The following RASA1 variants were observed in gnomAD, a reference collection of about 807,000 sequenced individuals.
RASA1 encodes the protein RAS p21 protein activator 1, also known as ras GTPase-activating protein 1.
In RASA1, 25 loss-of-function variants were observed where a neutral mutation model predicts 132.2. The ratio of observed to expected loss-of-function variants is 0.19; its 90% CI spans 0.14 to 0.26. The LOEUF (loss-of-function observed/expected upper bound fraction) is 0.26, where lower values mean the gene tolerates loss of function less well. Among genes scored for constraint, RASA1 ranks in the 10% least tolerant of loss-of-function variants. The probability of loss-of-function intolerance (pLI) is 1.00; values close to 1 mark genes in which losing one functional copy is unlikely to be tolerated. For missense variants in RASA1, 964 were observed against 1,299.2 expected (o/e 0.74, Z 3.97); for synonymous variants, 477 against 449.9 (o/e 1.06, Z -0.76).
chr5:87,356,167 T>C (rs1312749735), intron 9 of RASA1, among the ~76,000 whole-genome samples: 1 of 152,136 alleles, frequency 6.6e-6, no homozygotes, highest in Non-Finnish European at 1.5e-5. Flanking sequence ...TTGAAAGAAG[T>C]TCAACTGTGG....
chr5:87,339,469 G>A (rs556270159), intron 5 of RASA1, among the ~76,000 whole-genome samples: 46 of 152,258 alleles, frequency 3.0e-4, no homozygotes, highest in Admixed American at 2.6e-3. Flanking sequence ...ACAACTTTTA[G>A]TTTGGGTTTC....
At position 87,372,039 on chromosome 5, in the gene RASA1, G is replaced by GAA. The variant is rs35014912; in HGVS notation, c.1699-70_1699-69dup. 0.13 allele frequency: 112,264 copies of GAA among 873,106 alleles called. 165 individuals carry two copies. Among genetic ancestry groups the GAA allele is most frequent in the South Asian group, 0.16 (7,448 of 47,480 alleles). The allele number at this position is 873,106 out of a possible 1,614,324, so 54.1% of individuals were successfully genotyped here. ...AGAGAAGGAAAAAATTGTTGAATTT[G>GAA]AAAAAAAAAACCTAACTGATGATTT... On this transcript the variant is annotated intron_variant, in intron 12 of 24. Transcript: ENST00000274376.
At chr5:87,373,431 A>G (rs1336596253) in intron 13 of RASA1, among the ~76,000 whole-genome samples, 1 of 152,070 alleles carries the variant, frequency 6.6e-6, no homozygotes, top group Non-Finnish European at 1.5e-5. Flanking sequence ...AGCTGCCAGG[A>G]CAGAGAGGTG....
chr5:87,351,644 A>AACTT lies in RASA1; in HGVS notation c.1254-1511_1254-1508dup, dbSNP rs572912069. 2.5e-3 allele frequency among the ~76,000 whole-genome samples: 386 copies of AACTT among 151,848 alleles called. 1 individual carries two copies. Among genetic ancestry groups the AACTT allele is most frequent in the African/African-American group, 8.8e-3 (364 of 41,508 alleles). On this transcript the variant is annotated intron_variant, in intron 8 of 24. Transcript: ENST00000274376. Reference sequence around the variant, plus strand: ...TAAATCTGTCTGATTTCATGGCTGGAACTTATATGAATGTCTAGAAAATTC... The same window carrying AACTT: ...TAAATCTGTCTGATTTCATGGCTGGAACTTACTTATATGAATGTCTAGAAAATTC...
chr5:87,356,008 G>A (rs1305363460), intron 9 of RASA1, among the ~76,000 whole-genome samples: 3 of 152,278 alleles, frequency 2.0e-5, no homozygotes, highest in South Asian at 2.1e-4. Context: ...TGCTTGTTAC[G>A]GATGAGAAAA....
chr5:87,296,143 T>TTAAGTGTTTGCCCTGGAGCTTGCAA (rs1253876902), intron 1 of RASA1, among the ~76,000 whole-genome samples: 1 of 151,910 alleles, frequency 6.6e-6, no homozygotes, highest in Non-Finnish European at 1.5e-5. Flanking sequence ...TTTTCCTAAC[T>TTAAGTGTTTGCCCTGGAGCTTGCAA]TAAGTGTTTG....
At chr5:87,371,271 ATTCTC>A (rs1246277730) in intron 12 of RASA1, among the ~76,000 whole-genome samples, 47 of 152,090 alleles carry the variant, frequency 3.1e-4, no homozygotes, top group South Asian at 2.1e-4. Flanking sequence ...GTCTCTGGTT[ATTCTC>A]TTCTATTTCA....
intron 14 of RASA1, 110 bp from the exon 15 acceptor site, chr5:87,374,730 T>G: frequency 1.1e-6 from 1 of 933,200 alleles, no homozygotes; most frequent in Non-Finnish European, 1.5e-6. Flanking sequence ...TAGCACACTG[T>G]TTTTTTTTTT....
intron 1 of RASA1, among the ~76,000 whole-genome samples, chr5:87,324,680 A>G (rs986879698): frequency 9.2e-5 from 14 of 152,144 alleles, no homozygotes; most frequent in African/African-American, 3.1e-4. Context: ...TATGCACTCT[A>G]GTTATCTGGT....
chr5:87,349,870 T>C (rs1360267043), intron 8 of RASA1, among the ~76,000 whole-genome samples: 1 of 151,886 alleles, frequency 6.6e-6, no homozygotes, highest in African/African-American at 2.4e-5. Flanking sequence ...AAACTCAGAA[T>C]GAATTATAGT....
intron 11 of RASA1, among the ~76,000 whole-genome samples, chr5:87,367,137 T>C (rs947725465): frequency 6.6e-6 from 1 of 152,160 alleles, no homozygotes; most frequent in African/African-American, 2.4e-5. Flanking sequence ...AGAGAAGCAC[T>C]TAGTGAGAAA....
At chr5:87,338,536 A>ATATATATATATATATATATTTTTTTT in intron 5 of RASA1, among the ~76,000 whole-genome samples, 1 of 85,220 alleles carries the variant, frequency 1.2e-5, no homozygotes, top group Admixed American at 1.3e-4. Context: ...TATATATAAA[A>ATATATATATATATATATATTTTTTTT]TTTTTTTTTT....
Position 87,376,806 on chromosome 5 carries a change from A to G in RASA1, c.2185-75A>G, listed in dbSNP as rs144354008. 5.2e-4 allele frequency: 741 copies of G among 1,426,592 alleles called. 5 individuals carry two copies. The highest frequency in any genetic ancestry group is 5.0e-3 in the East Asian group (218 of 43,632). 88.4% of individuals were successfully genotyped at this position (1,426,592 alleles called of 1,614,324 possible). A position where few individuals can be genotyped will look rare whatever the true frequency, so the allele number is the denominator to read the frequency against. ...TAAATATAAGAACTTGTGAAAGAAC[A>G]TATTTCTTGTTAGTCTCATGGAGCA... On this transcript the variant is annotated intron_variant, in intron 16 of 24. Coordinates refer to ENST00000274376, the MANE Select transcript of RASA1 (RefSeq NM_002890.3).
chr5:87,339,996 A>G (rs1758319740), intron 5 of RASA1, among the ~76,000 whole-genome samples: 1 of 152,100 alleles, frequency 6.6e-6, no homozygotes, highest in Admixed American at 6.5e-5. Context: ...TTATACTTTC[A>G]TGTATTAACT....
In RASA1 at chr5:87,363,368, A is replaced by C; in HGVS notation, c.1474A>C (p.Asn492His). 6.2e-7 allele frequency: 1 copy of C among 1,610,534 alleles called. No homozygotes were observed. The highest frequency in any genetic ancestry group is 1.1e-5 in the South Asian group (1 of 90,802). The change falls in exon 11 of 25, where the codon AAT (asparagine) becomes CAT (histidine). Residue 492 changes from asparagine (N) to histidine (H), a missense_variant. Around this residue, in one of 6 missense-constraint regions of RASA1, gnomAD observed 346 missense variants for 520.1 expected, o/e 0.67. Coordinates refer to ENST00000274376, the MANE Select transcript of RASA1 (RefSeq NM_002890.3). The stretch of plus-strand genomic sequence containing the variant: ...AACAGGCAAAGGAAAACGTTGGAAA[A>C]ATTTATATTTTATCTTAGAGGGTAG... ...LKKGKGKRWK[N>H]LYFILEGSDA...
chr5:87,314,030 G>A (rs1454972361), intron 1 of RASA1, among the ~76,000 whole-genome samples: 5 of 152,128 alleles, frequency 3.3e-5, no homozygotes, highest in South Asian at 2.1e-4. Context: ...TGAGCCAGGC[G>A]TGGTGGCACA....
intron 18 of RASA1, among the ~76,000 whole-genome samples, chr5:87,379,476 T>C (rs1580393021): frequency 6.6e-6 from 1 of 152,302 alleles, no homozygotes; most frequent in East Asian, 1.9e-4. Context: ...CAGCTTTTTT[T>C]CCCCTCAAAT....
At chr5:87,274,532 A>G (rs544823978) in intron 1 of RASA1, among the ~76,000 whole-genome samples, 1 of 152,292 alleles carries the variant, frequency 6.6e-6, no homozygotes, top group South Asian at 2.1e-4. Context: ...TTGTATAAGT[A>G]GCAGAGAAAT....
intron 1 of RASA1, among the ~76,000 whole-genome samples, chr5:87,286,431 C>G (rs1024162576): frequency 1.3e-5 from 2 of 151,210 alleles, no homozygotes; most frequent in Non-Finnish European, 2.9e-5. Flanking sequence ...AACTTCAACC[C>G]AAGTAAAAAT....
Sources: allele counts gnomAD v4.1 joint callset (sites outside exome capture counted in the v4.1 genomes callset), GRCh38; gene constraint gnomAD v4.1.1; regional missense constraint gnomAD v4.1.1; transcripts MANE v1.5; gene names NCBI Gene and HGNC (gene_info 2026-07-23, HGNC 2026-07-21).